Variants in WWP2 observed in about 807,000 individuals in gnomAD.
The protein encoded by WWP2 is WW domain containing E3 ubiquitin protein ligase 2.
In WWP2, 57 loss-of-function variants were observed where a neutral mutation model predicts 121.0. That is an observed-to-expected ratio of 0.47 (90% CI 0.38 to 0.59). WWP2 has a LOEUF of 0.59. WWP2 is among the 20% of genes least tolerant of loss of function. The probability of loss-of-function intolerance (pLI) is 0.00; values close to 1 mark genes in which losing one functional copy is unlikely to be tolerated. For synonymous variants in WWP2, 449 were observed against 441.3 expected (o/e 1.02, Z -0.22); for missense variants, 962 against 1,158.9 (o/e 0.83, Z 2.47).
intron 6 of WWP2, among the ~76,000 whole-genome samples, chr16:69,853,145 C>T (rs961688643): frequency 2.6e-4 from 40 of 152,134 alleles, no homozygotes; most frequent in African/African-American, 5.1e-4. Flanking sequence ...TGGATGAATT[C>T]GGAGCTATAT....
intron 4 of WWP2, among the ~76,000 whole-genome samples, chr16:69,817,248 CTTTGT>C (rs762819561): frequency 6.6e-6 from 1 of 151,972 alleles, no homozygotes; most frequent in Non-Finnish European, 1.5e-5. Context: ...AATGGGTGTG[CTTTGT>C]TTTGTTTTGT....
intron 9 of WWP2, among the ~76,000 whole-genome samples, chr16:69,912,511 C>T (rs2058395228): frequency 6.6e-6 from 1 of 151,844 alleles, no homozygotes; most frequent in Non-Finnish European, 1.5e-5. Context: ...AACTCAGAAA[C>T]AAGAGATTAA....
intron 4 of WWP2, among the ~76,000 whole-genome samples, chr16:69,816,371 C>T (rs2056490116): frequency 6.6e-6 from 1 of 150,802 alleles, no homozygotes. Flanking sequence ...GACTTGAAGC[C>T]AGGAGTGCAA....
intron 16 of WWP2, 26 bp downstream of exon 16, chr16:69,931,916 G>A (rs747156634): frequency 6.2e-7 from 1 of 1,600,136 alleles, no homozygotes; most frequent in Non-Finnish European, 8.5e-7. Flanking sequence ...CCGGAAGGCT[G>A]CCCTGTACCC....
At chr16:69,890,630 AGCGAAT>A (rs1357055546) in intron 8 of WWP2, among the ~76,000 whole-genome samples, 1 of 152,116 alleles carries the variant, frequency 6.6e-6, no homozygotes, top group Non-Finnish European at 1.5e-5. Flanking sequence ...CTTTCCGCTG[AGCGAAT>A]GCCTGGAAGG....
intron 13 of WWP2, 145 bp downstream of exon 13, chr16:69,930,403 A>T: frequency 7.7e-7 from 1 of 1,305,544 alleles, no homozygotes; most frequent in South Asian, 1.6e-5. Context: ...TTGATGTCAT[A>T]TTAAAGGGGA....
intron 8 of WWP2, among the ~76,000 whole-genome samples, chr16:69,900,385 T>C (rs563137398): frequency 1.3e-5 from 2 of 152,096 alleles, no homozygotes; most frequent in Non-Finnish European, 2.9e-5. Context: ...CCCAGCACTT[T>C]TGGGAGGCCG....
intron 16 of WWP2, among the ~76,000 whole-genome samples, chr16:69,933,361 G>C (rs1301264831): frequency 6.6e-6 from 1 of 152,170 alleles, no homozygotes; most frequent in East Asian, 1.9e-4. Context: ...GTGTGGGAAC[G>C]GGGATGGTGT....
chr16:69,917,825 C>G lies in WWP2; in HGVS notation c.1121C>G (p.Ser374Trp). The G allele has an allele frequency of 6.2e-7, 1 of 1,614,024 alleles. No individual in the cohort carries two copies. The highest frequency in any genetic ancestry group is 8.5e-7 in the Non-Finnish European group (1 of 1,179,862). The change falls in exon 10 of 24, where the codon TCG becomes TGG. Residue 374 changes from serine to tryptophan, a missense_variant. By Grantham distance (177) the Ser-to-Trp change is radical. Coordinates refer to ENST00000359154, the MANE Select transcript of WWP2 (RefSeq NM_001270454.2). The stretch of plus-strand genomic sequence containing the variant: ...GTGCGCAACTATGAGCAGTGGCAGT[C>G]GCAGCGGAATCAGCTCCAGGGGGCC... ...EYVRNYEQWQ[S>W]QRNQLQGAMQ...
intron 6 of WWP2, among the ~76,000 whole-genome samples, chr16:69,870,828 A>G (rs1173749199): frequency 1.3e-5 from 2 of 152,232 alleles, no homozygotes; most frequent in African/African-American, 4.8e-5. Flanking sequence ...CTGAGTGGGC[A>G]AAGTCAAGCT....
chr16:69,941,627 T>C lies in WWP2; in HGVS notation c.*1687T>C, dbSNP rs2058882255. 2 of 153,756 alleles carry C rather than the reference T, an allele frequency of 1.3e-5. No homozygotes were observed. Among genetic ancestry groups the C allele is most frequent in the Admixed American group, 6.6e-5 (1 of 15,266 alleles). The allele number at this position is 153,756 out of a possible 1,614,324, so 9.5% of individuals were successfully genotyped here. Reference sequence around the variant, plus strand: ...TGTGCGTACGTGTATATAACTGAAGTGTCTGTACGGAATGCCCTTTGCTAG... The same window carrying C: ...TGTGCGTACGTGTATATAACTGAAGCGTCTGTACGGAATGCCCTTTGCTAG... On this transcript the variant is annotated 3_prime_UTR_variant, in exon 24 of 24. Coordinates refer to ENST00000359154, the MANE Select transcript of WWP2 (RefSeq NM_001270454.2).
chr16:69,936,602 T>A, intron 19 of WWP2, 150 bp downstream of exon 19: 1 of 1,157,796 alleles, frequency 8.6e-7, no homozygotes, highest in Non-Finnish European at 1.2e-6. Context: ...GGCGGTCATG[T>A]GATGGCGCGA....
rs142600495 is a variant in WWP2, at chr16:69,933,925, C to T, written c.1683-45C>T. On this transcript the variant is annotated intron_variant, in intron 16 of 23. Transcript: ENST00000359154. ...GACACAGCTCCTGTGCAGATGTGCA[C>T]GAAGGGACCCATTATTCTTGTCTTT... The T allele has an allele frequency of 1.0e-4, 164 of 1,596,698 alleles. 1 individual carries two copies. In the African/African-American group the frequency reaches 1.2e-3, roughly 11 times the overall value.
chr16:69,779,500 G>A (rs1201190256), intron 1 of WWP2, among the ~76,000 whole-genome samples: 2 of 152,166 alleles, frequency 1.3e-5, no homozygotes, highest in Non-Finnish European at 2.9e-5. Context: ...TTCCTTCTGA[G>A]CCTTCTTTAG....
At chr16:69,872,239 C>T (rs969030058) in intron 7 of WWP2, among the ~76,000 whole-genome samples, 5 of 149,814 alleles carry the variant, frequency 3.3e-5, no homozygotes, top group Admixed American at 6.6e-5. Context: ...TTTTTTGAGA[C>T]GGAGTCTCAC....
At chr16:69,883,397 TGC>T (rs202199422) in intron 7 of WWP2, among the ~76,000 whole-genome samples, 6 of 100,284 alleles carry the variant, frequency 6.0e-5, no homozygotes, top group African/African-American at 2.4e-4. Flanking sequence ...TCTAAGAATG[TGC>T]GCACACACAC....
rs149894832 is a variant in WWP2, at chr16:69,850,847, G to A, written c.575+8727G>A. ...TTGTTTTTGCTGGGTGAAATCTGCC[G>A]TGTTTTTTTTAGAGCACTTTTAGGT... On this transcript the variant is annotated intron_variant, in intron 6 of 23. Coordinates refer to ENST00000359154, the MANE Select transcript of WWP2 (RefSeq NM_001270454.2). 5.4e-4 allele frequency among the ~76,000 whole-genome samples: 82 copies of A among 151,986 alleles called. No homozygotes were observed. In the Middle Eastern group the frequency reaches 0.017, roughly 32 times the overall value.
At chr16:69,921,661 T>C (rs1458854834) in intron 10 of WWP2, among the ~76,000 whole-genome samples, 4 of 152,348 alleles carry the variant, frequency 2.6e-5, no homozygotes, top group South Asian at 4.1e-4. Flanking sequence ...TGCCGTCTTG[T>C]GTCGTGTTCC....
In WWP2 at chr16:69,935,160, A is replaced by G. The variant is rs115740373; in HGVS notation, c.1843-693A>G. On this transcript the variant is annotated intron_variant, in intron 17 of 23. Transcript: ENST00000359154. This position sits in a 1 kb window ranked among gnomAD's most constrained non-coding sequence, Gnocchi z 5.2. ...CCACATGCATAGCTGGAGATGTTTC[A>G]ATTCTCCTTTCCTTCGCTTCTTCCC... Among the ~76,000 whole-genome samples, 2,127 of 152,256 alleles carry G rather than the reference A, an allele frequency of 0.014. 57 individuals carry two copies. The highest frequency in any genetic ancestry group is 0.046 in the African/African-American group (1,919 of 41,542).
Sources: allele counts gnomAD v4.1 joint callset (sites outside exome capture counted in the v4.1 genomes callset), GRCh38; gene constraint gnomAD v4.1.1; non-coding constraint Gnocchi (gnomAD v3.1); transcripts MANE v1.5; gene names NCBI Gene and HGNC (gene_info 2026-07-23, HGNC 2026-07-21).